The following HCN1 variants were observed in gnomAD, a reference collection of about 807,000 sequenced individuals.
HCN1 encodes the protein hyperpolarization activated cyclic nucleotide gated potassium channel 1, also known as potassium/sodium hyperpolarization-activated cyclic nucleotide-gated channel 1.
In HCN1, 13 loss-of-function variants were observed where a neutral mutation model predicts 78.9. The observed-to-expected ratio is 0.16, with a 90% CI of 0.11 to 0.26. The LOEUF is 0.26. Among genes scored for constraint, HCN1 ranks in the 10% least tolerant of loss-of-function variants. The probability of loss-of-function intolerance (pLI) is 1.00; values close to 1 mark genes in which losing one functional copy is unlikely to be tolerated. For missense variants in HCN1, 810 were observed against 1,154.3 expected (o/e 0.70, Z 4.32); for synonymous variants, 552 against 455.5 (o/e 1.21, Z -2.70).
At chr5:45,344,316 G>A (rs1171755399) in intron 5 of HCN1, among the ~76,000 whole-genome samples, 5 of 152,018 alleles carry the variant, frequency 3.3e-5, no homozygotes, top group Non-Finnish European at 5.9e-5. Context: ...TGAGATTTGG[G>A]TGGGAACAGA....
At chr5:45,525,026 C>A (rs1269449948) in intron 2 of HCN1, among the ~76,000 whole-genome samples, 1 of 152,050 alleles carries the variant, frequency 6.6e-6, no homozygotes, top group South Asian at 2.1e-4. Context: ...TTTTGAGATA[C>A]GTCCCATCAA....
chr5:45,617,785 G>C (rs1339366803), intron 2 of HCN1, among the ~76,000 whole-genome samples: 1 of 138,832 alleles, frequency 7.2e-6, no homozygotes, highest in Non-Finnish European at 1.7e-5. Context: ...ATTATTAGTT[G>C]TTTTACTAGT....
chr5:45,621,819 T>A (rs1745067708), intron 2 of HCN1, among the ~76,000 whole-genome samples: 2 of 152,190 alleles, frequency 1.3e-5, no homozygotes, highest in Non-Finnish European at 2.9e-5. Flanking sequence ...TATAAGTGGA[T>A]TTTTTAATAA....
At chr5:45,410,376 C>A (rs1296422263) in intron 3 of HCN1, among the ~76,000 whole-genome samples, 1 of 151,840 alleles carries the variant, frequency 6.6e-6, no homozygotes, top group Non-Finnish European at 1.5e-5. Context: ...TCTGTACTGT[C>A]CAATATTTCC....
At chr5:45,661,352 G>T (rs1248762486) in intron 1 of HCN1, among the ~76,000 whole-genome samples, 2 of 149,392 alleles carry the variant, frequency 1.3e-5, no homozygotes, top group African/African-American at 2.5e-5. Context: ...AGAGAAAGCA[G>T]GAAAGATCCA....
intron 2 of HCN1, among the ~76,000 whole-genome samples, chr5:45,569,215 G>A (rs1309425418): frequency 1.3e-5 from 2 of 152,028 alleles, no homozygotes; most frequent in African/African-American, 4.8e-5. Context: ...TTTTCCCTGG[G>A]TCTCTGGTTC....
chr5:45,269,445 A>G (rs968246704), intron 6 of HCN1, among the ~76,000 whole-genome samples: 1 of 151,606 alleles, frequency 6.6e-6, no homozygotes, highest in African/African-American at 2.4e-5. Context: ...CTCTTTTTCT[A>G]GGTCTTTCTC....
In HCN1 at chr5:45,281,106, C is replaced by T. The variant is rs1302305987; in HGVS notation, c.1619-13853G>A. 4.0e-5 allele frequency among the ~76,000 whole-genome samples: 6 copies of T among 151,766 alleles called. No individual in the cohort carries two copies. In the East Asian group the frequency reaches 5.8e-4, roughly 15 times the overall value. On this transcript the variant is annotated intron_variant, in intron 6 of 7. Coordinates refer to ENST00000303230, the MANE Select transcript of HCN1 (RefSeq NM_021072.4). ...TGTTTATGACAGACAAAGTTTGATTCGGTTGGAGGTTTTTGTTAGTATGTT... is the reference window on the plus strand; with the variant it reads ...TGTTTATGACAGACAAAGTTTGATTTGGTTGGAGGTTTTTGTTAGTATGTT...
chr5:45,290,231 G>A (rs1745344052), intron 6 of HCN1, among the ~76,000 whole-genome samples: 1 of 152,004 alleles, frequency 6.6e-6, no homozygotes, highest in Non-Finnish European at 1.5e-5. Context: ...GGAGCTGTGA[G>A]TCCATTAAAC....
At chr5:45,631,727 TA>T (rs1745272384) in intron 2 of HCN1, among the ~76,000 whole-genome samples, 1 of 152,140 alleles carries the variant, frequency 6.6e-6, no homozygotes. Flanking sequence ...TCTGTAACAA[TA>T]ACATTCTTTG....
intron 5 of HCN1, among the ~76,000 whole-genome samples, chr5:45,319,540 C>T (rs1179900021): frequency 6.6e-6 from 1 of 151,606 alleles, no homozygotes; most frequent in African/African-American, 2.4e-5. Flanking sequence ...AAAGAGTTTC[C>T]CCCTTTTTCT....
chr5:45,590,652 C>T (rs1744341763), intron 2 of HCN1, among the ~76,000 whole-genome samples: 3 of 152,164 alleles, frequency 2.0e-5, no homozygotes, highest in African/African-American at 7.2e-5. Flanking sequence ...CTCCCTCCCA[C>T]AAACCTGTGG....
intron 2 of HCN1, among the ~76,000 whole-genome samples, chr5:45,620,732 A>T (rs1231604568): frequency 1.3e-5 from 2 of 152,094 alleles, no homozygotes; most frequent in Non-Finnish European, 2.9e-5. Context: ...AGTGAGAGAA[A>T]ATCATTAGTT....
intron 5 of HCN1, among the ~76,000 whole-genome samples, chr5:45,319,269 A>G (rs1746072134): frequency 6.6e-6 from 1 of 151,924 alleles, no homozygotes; most frequent in Non-Finnish European, 1.5e-5. Flanking sequence ...AGTTGCTGCC[A>G]AAAGTTTTCC....
intron 4 of HCN1, among the ~76,000 whole-genome samples, chr5:45,362,594 T>C (rs1289192652): frequency 6.6e-6 from 1 of 152,122 alleles, no homozygotes; most frequent in African/African-American, 2.4e-5. Context: ...TATTAAATGC[T>C]GTTTTCCTGG....
At chr5:45,439,045 T>C (rs1278358603) in intron 3 of HCN1, among the ~76,000 whole-genome samples, 1 of 152,172 alleles carries the variant, frequency 6.6e-6, no homozygotes, top group African/African-American at 2.4e-5. Context: ...AAAGAAAATT[T>C]ATAAATCTTA....
intron 4 of HCN1, among the ~76,000 whole-genome samples, chr5:45,357,878 G>C (rs910140946): frequency 6.6e-6 from 1 of 152,084 alleles, no homozygotes; most frequent in Middle Eastern, 3.4e-3. Context: ...CCTCCCTCAG[G>C]CGTGAGTGAA....
chr5:45,620,563 C>CAT (rs535553053), intron 2 of HCN1, among the ~76,000 whole-genome samples: 89 of 150,764 alleles, frequency 5.9e-4, no homozygotes, highest in African/African-American at 1.5e-3. Flanking sequence ...CTTTAAAATA[C>CAT]ATATATATAT....
chr5:45,688,562 C>T (rs996913369), intron 1 of HCN1, among the ~76,000 whole-genome samples: 26 of 152,166 alleles, frequency 1.7e-4, no homozygotes, highest in African/African-American at 6.0e-4. Context: ...TCATGACCTG[C>T]TTGGAGAATA....
Sources: gnomAD v4.1 joint callset for allele counts (sites outside exome capture counted in the v4.1 genomes callset) on GRCh38, gnomAD v4.1.1 for gene constraint, MANE v1.5 for transcripts, NCBI Gene and HGNC (gene_info 2026-07-23, HGNC 2026-07-21) for gene names.